The following DOCK10 variants were observed in gnomAD, a reference collection of about 807,000 sequenced individuals.
DOCK10 encodes the protein dedicator of cytokinesis protein 10.
DOCK10 carries 145 observed loss-of-function variants against 280.1 expected under a neutral mutation model. That is an observed-to-expected ratio of 0.52 (90% CI 0.45 to 0.59). The LOEUF (loss-of-function observed/expected upper bound fraction) is 0.59. DOCK10 is among the 20% of genes least tolerant of loss of function. The probability of loss-of-function intolerance (pLI) is 0.00; values close to 1 mark genes in which losing one functional copy is unlikely to be tolerated. For missense variants in DOCK10, 2,368 were observed against 2,651.7 expected, an observed-to-expected ratio of 0.89 and a Z score of 2.35; for synonymous variants, 915 against 942.2, an observed-to-expected ratio of 0.97 and a Z score of 0.53.
intron 39 of DOCK10, among the ~76,000 whole-genome samples, 183 bp downstream of exon 39, chr2:224,803,925 GTATC>G (rs1693188384): frequency 6.6e-6 from 1 of 151,956 alleles, no homozygotes; most frequent in East Asian, 1.9e-4. Context: ...AGACAGTAAA[GTATC>G]TAAGAAGTTT....
At chr2:224,795,842 C>A (rs1176349491) in intron 44 of DOCK10, among the ~76,000 whole-genome samples, 2 of 152,092 alleles carry the variant, frequency 1.3e-5, no homozygotes, top group Non-Finnish European at 2.9e-5. Context: ...AATTTTCCCC[C>A]AAATAGAGTT....
chr2:224,857,898 T>C (rs920608968), intron 14 of DOCK10, among the ~76,000 whole-genome samples: 22 of 152,140 alleles, frequency 1.4e-4, no homozygotes, highest in Non-Finnish European at 1.5e-4. Flanking sequence ...ATTAAATAGC[T>C]TTAGTGTTAA....
At chr2:224,783,107 T>C (rs1691470319) in intron 50 of DOCK10, among the ~76,000 whole-genome samples, 1 of 152,160 alleles carries the variant, frequency 6.6e-6, no homozygotes, top group Admixed American at 6.5e-5. Context: ...TTGAATCTCA[T>C]CTGAGCAATG....
At position 224,834,173 on chromosome 2, in the gene DOCK10, T is replaced by C. The variant is rs1238182015; in HGVS notation, c.2941A>G (p.Thr981Ala). The C allele has an allele frequency of 2.5e-6, 4 of 1,611,360 alleles. No individual in the cohort carries two copies. The highest frequency in any genetic ancestry group is 2.2e-5 in the South Asian group (2 of 91,046). Residue 981 changes from threonine to alanine, a missense_variant, in exon 26 of 56, where the codon ACA becomes GCA. Around this residue, in one of 2 missense-constraint regions of DOCK10, gnomAD observed 1,209 missense variants for 1,250.9 expected, o/e 0.97. Transcript: ENST00000258390. Reference protein sequence around the residue: ...VTGLLKSNDSTTVKHVLKHSW... With the variant: ...VTGLLKSNDSATVKHVLKHSW... Reference sequence around the variant, plus strand: ...ACCTTTAGGACATGCTTTACTGTTGTTGAGTCATTTGATTTCAAAAGACCA... The same window carrying C: ...ACCTTTAGGACATGCTTTACTGTTGCTGAGTCATTTGATTTCAAAAGACCA...
intron 27 of DOCK10, among the ~76,000 whole-genome samples, chr2:224,827,139 T>C (rs920505349): frequency 1.3e-5 from 2 of 151,592 alleles, no homozygotes; most frequent in Non-Finnish European, 2.9e-5. Flanking sequence ...GGCATGCACC[T>C]GTAATCCAAG....
At chr2:224,767,469 T>C (rs1690135937) in intron 55 of DOCK10, among the ~76,000 whole-genome samples, 1 of 152,202 alleles carries the variant, frequency 6.6e-6, no homozygotes, top group Non-Finnish European at 1.5e-5. Context: ...CGGCCTCATG[T>C]AGTTTTTAAA....
Position 224,800,240 on chromosome 2 carries a change from C to T in DOCK10, c.4417G>A (p.Val1473Met), listed in dbSNP as rs780018919. The change falls in exon 41 of 56, where the codon GTG becomes ATG. Residue 1473 changes from valine (V) to methionine (M), a missense_variant. By Grantham distance (21) the Val-to-Met change is conservative. Around this residue, in one of 2 missense-constraint regions of DOCK10, gnomAD observed 1,159 missense variants for 1,400.8 expected, o/e 0.83. Coordinates refer to ENST00000258390, the MANE Select transcript of DOCK10 (RefSeq NM_014689.3). ...MTSNSNEIDI[V>M]HHVDTEANIA... ...TTGGCCTCAGTGTCTACATGATGCA[C>T]GATGTCTATTTCATTGGAGTTGCCT... 2.9e-5 allele frequency: 46 copies of T among 1,610,186 alleles called. No individual in the cohort carries two copies. Among genetic ancestry groups the T allele is most frequent in the African/African-American group, 1.5e-4 (11 of 74,924 alleles).
At position 224,802,053 on chromosome 2, in the gene DOCK10, A is replaced by G; in HGVS notation, c.4269-13T>C. On this transcript the variant is annotated splice_polypyrimidine_tract_variant and intron_variant, in intron 39 of 55. Transcript: ENST00000258390. ...AGTGGAGTGCATCCTGAAAACAAAA[A>G]AAGAAAAGTGGTTAGAGTTATTTGG... 6.2e-7 allele frequency: 1 copy of G among 1,611,008 alleles called. No homozygotes were observed. Among genetic ancestry groups the G allele is most frequent in the South Asian group, 1.1e-5 (1 of 90,628 alleles).
chr2:225,036,095 G>A (rs573713887), intron 1 of DOCK10, among the ~76,000 whole-genome samples: 6 of 152,226 alleles, frequency 3.9e-5, no homozygotes, highest in African/African-American at 1.2e-4. Flanking sequence ...TCTGTAGGAG[G>A]AGCAACATTC....
At chr2:224,984,840 C>CTT (rs35558535) in intron 1 of DOCK10, among the ~76,000 whole-genome samples, 1,420 of 99,910 alleles carry the variant, frequency 0.014, 24 homozygotes, top group African/African-American at 0.047. Context: ...ACACAGGAAA[C>CTT]TTTTTTTTTT....
chr2:224,967,868 A>G (rs891839011), intron 1 of DOCK10, among the ~76,000 whole-genome samples: 2 of 152,188 alleles, frequency 1.3e-5, no homozygotes, highest in African/African-American at 4.8e-5. Context: ...ACTGGTATGC[A>G]GTATTTATAT....
chr2:224,958,954 C>T (rs2126152835), intron 1 of DOCK10, among the ~76,000 whole-genome samples: 1 of 152,312 alleles, frequency 6.6e-6, no homozygotes, highest in East Asian at 1.9e-4. Context: ...TTTAATCTGA[C>T]TTTGTTCTCT....
At chr2:224,846,622 G>A (rs553200586) in intron 19 of DOCK10, among the ~76,000 whole-genome samples, 3 of 150,232 alleles carry the variant, frequency 2.0e-5, no homozygotes, top group Admixed American at 6.7e-5. Context: ...TCAGCCTCCC[G>A]AGTAGCTGGG....
chr2:225,013,720 A>G (rs1689508574), intron 1 of DOCK10, among the ~76,000 whole-genome samples: 1 of 152,174 alleles, frequency 6.6e-6, no homozygotes, highest in African/African-American at 2.4e-5. Flanking sequence ...GGCATCCTAC[A>G]TGTGCAGTGC....
Position 224,796,366 on chromosome 2 carries a change from G to A in DOCK10, c.4888C>T (p.His1630Tyr). Residue 1630 changes from histidine (H) to tyrosine (Y), a missense_variant, in exon 44 of 56, where the codon CAT (histidine) becomes TAT (tyrosine). Physicochemically the swap from His to Tyr is moderately conservative, Grantham distance 83 (BLOSUM62 2). Around this residue, in one of 2 missense-constraint regions of DOCK10, gnomAD observed 1,159 missense variants for 1,400.8 expected, o/e 0.83. Transcript: ENST00000258390. ...AAATTATTGGTAATTGCAAGCGAATGTTGAAACCGAGAGCCTCCAATCCCA... is the reference window on the plus strand; with the variant it reads ...AAATTATTGGTAATTGCAAGCGAATATTGAAACCGAGAGCCTCCAATCCCA... ...DAGIGGSRFQ[H>Y]SLAITNNFAN... 4 of 1,574,718 alleles carry A rather than the reference G, an allele frequency of 2.5e-6. No individual in the cohort carries two copies. The highest frequency in any genetic ancestry group is 2.6e-6 in the Non-Finnish European group (3 of 1,158,800).
Position 224,797,957 on chromosome 2 carries a change from G to C in DOCK10, c.4519C>G (p.Gln1507Glu), listed in dbSNP as rs182529432. 2.5e-6 allele frequency: 4 copies of C among 1,613,254 alleles called. No individual in the cohort carries two copies. In the Admixed American group the frequency reaches 6.7e-5, roughly 27 times the overall value. The change falls in exon 42 of 56, where the codon CAA (glutamine) becomes GAA (glutamate). Residue 1507 changes from glutamine to glutamate, a missense_variant. By Grantham distance (29) the Gln-to-Glu change is conservative. Transcript: ENST00000258390. ...ATCAATGAATTTTGACAGTCACATT[G>C]TTGGAGTTGTCTCTGGAAATTCAAT... ...FTQTHQRQLQQCDCQNSLMKR... is the reference protein window; with the variant it reads ...FTQTHQRQLQECDCQNSLMKR...
intron 25 of DOCK10, 136 bp from the exon 26 acceptor site, chr2:224,834,399 A>T: frequency 1.6e-6 from 1 of 639,454 alleles, no homozygotes; most frequent in East Asian, 2.8e-5. Flanking sequence ...TGCAGGCCCA[A>T]TGATAAGAGC....
intron 1 of DOCK10, among the ~76,000 whole-genome samples, chr2:225,024,556 T>C (rs1689866912): frequency 6.6e-6 from 1 of 152,160 alleles, no homozygotes; most frequent in South Asian, 2.1e-4. Context: ...TATGAATGCT[T>C]TTCAAAATAA....
In DOCK10 at chr2:224,841,819, GA is replaced by G; in HGVS notation, c.2645del (p.Phe882SerfsTer9). On this transcript the variant is annotated frameshift_variant, in exon 23 of 56. Coordinates refer to ENST00000258390, the MANE Select transcript of DOCK10 (RefSeq NM_014689.3). LOFTEE classifies it high-confidence loss of function. Reference protein sequence around the residue: ...KDMSQSPTSNFIRSCKNLLNV... With the variant: ...KDMSQSPTSNXIRSCKNLLNV... ...GTCATGTTACCTTACAAGAGCGGATGAAATTTGAGGTAGGTGACTGAGACAT... is the reference window on the plus strand; with the variant it reads ...GTCATGTTACCTTACAAGAGCGGATGAATTTGAGGTAGGTGACTGAGACAT... 6.2e-7 allele frequency: 1 copy of G among 1,611,328 alleles called. No individual in the cohort carries two copies. Among genetic ancestry groups the G allele is most frequent in the Admixed American group, 1.7e-5 (1 of 60,022 alleles).
Sources: allele counts gnomAD v4.1 joint callset (sites outside exome capture counted in the v4.1 genomes callset), GRCh38; gene constraint gnomAD v4.1.1; regional missense constraint gnomAD v4.1.1; transcripts MANE v1.5; gene names NCBI Gene and HGNC (gene_info 2026-07-23, HGNC 2026-07-21).